ATP8A1: variants seen among roughly 807,000 people sequenced by gnomAD.
ATP8A1 encodes the protein phospholipid-transporting ATPase IA.
Under a neutral mutation model 177.7 loss-of-function variants are expected in ATP8A1, and 90 were observed. The ratio of observed to expected loss-of-function variants is 0.51; its 90% confidence interval spans 0.43 to 0.60. The LOEUF is 0.60. Among genes scored for constraint, ATP8A1 ranks in the 20% least tolerant of loss-of-function variants. The probability of loss-of-function intolerance (pLI) is 0.00; values close to 1 mark genes in which losing one functional copy is unlikely to be tolerated. For missense variants in ATP8A1, 1,072 were observed against 1,392.8 expected (o/e 0.77, Z 3.67); for synonymous variants, 493 against 485.9 (o/e 1.01, Z -0.19).
chr4:42,459,728 A>G (rs74330979), intron 27 of ATP8A1, among the ~76,000 whole-genome samples: 6,294 of 152,262 alleles, frequency 0.041, 436 homozygotes, highest in African/African-American at 0.14. Flanking sequence ...GCAGTAATGA[A>G]CGAGTAAGTT....
intron 31 of ATP8A1, among the ~76,000 whole-genome samples, chr4:42,445,952 C>A (rs1388666051): frequency 6.6e-6 from 1 of 151,734 alleles, no homozygotes; most frequent in Non-Finnish European, 1.5e-5. Flanking sequence ...TGATGGCACA[C>A]GCCTGTAATT....
chr4:42,519,331 T>C (rs576526843), intron 22 of ATP8A1, among the ~76,000 whole-genome samples: 5 of 152,176 alleles, frequency 3.3e-5, no homozygotes, highest in East Asian at 1.9e-4. Flanking sequence ...CTGGGCTCAA[T>C]GATCCTCCCA....
chr4:42,551,271 G>T lies in ATP8A1; in HGVS notation c.1529C>A (p.Ala510Glu). The T allele has an allele frequency of 6.2e-7, 1 of 1,613,130 alleles. No homozygotes were observed. The highest frequency in any genetic ancestry group is 8.5e-7 in the Non-Finnish European group (1 of 1,179,360). The change falls in exon 18 of 37, where the codon GCA becomes GAA. Residue 510 changes from alanine (A) to glutamate (E), a missense_variant. Physicochemically the swap from Ala to Glu is moderately radical, Grantham distance 107. Around this residue, in one of 5 missense-constraint regions of ATP8A1, gnomAD observed 388 missense variants for 471.7 expected, o/e 0.82. Coordinates refer to ENST00000381668, the MANE Select transcript of ATP8A1 (RefSeq NM_006095.2). ...CAATTGCTTGGCTGCTCTGACCAAT[G>T]CTCCCTCATCTGTTTTAGAAAAAGA... ...IYQAASPDEG[A>E]LVRAAKQLNF... is the part of the protein sequence containing the mutation.
In ATP8A1 at chr4:42,522,358, G is replaced by A. The variant is rs1199781032; in HGVS notation, c.1808-59C>T. On this transcript the variant is annotated intron_variant, in intron 21 of 36. Transcript: ENST00000381668. Reference sequence around the variant, plus strand: ...CAAAGATTTTCTTCAGAAGTCTGAGGTTTCTGTTTTTATTTCACAAAGTCC... The same window carrying A: ...CAAAGATTTTCTTCAGAAGTCTGAGATTTCTGTTTTTATTTCACAAAGTCC... 3.2e-6 allele frequency: 5 copies of A among 1,573,152 alleles called. No homozygotes were observed. In the African/African-American group the frequency reaches 4.1e-5, roughly 13 times the overall value.
intron 9 of ATP8A1, among the ~76,000 whole-genome samples, 177 bp downstream of exon 9, chr4:42,586,172 G>T (rs1024821591): frequency 2.0e-5 from 3 of 152,106 alleles, no homozygotes; most frequent in African/African-American, 7.2e-5. Flanking sequence ...CTACATGAAT[G>T]GATAAGATTC....
At chr4:42,470,874 T>C (rs530149185) in intron 25 of ATP8A1, among the ~76,000 whole-genome samples, 1 of 152,304 alleles carries the variant, frequency 6.6e-6, no homozygotes, top group African/African-American at 2.4e-5. Context: ...TGCTTTTCTT[T>C]GCAACAAACT....
chr4:42,568,278 CCT>C (rs1211232416), intron 15 of ATP8A1, among the ~76,000 whole-genome samples: 1 of 152,018 alleles, frequency 6.6e-6, no homozygotes. Flanking sequence ...AAATAAATTC[CCT>C]GTTGAAAAAT....
intron 15 of ATP8A1, among the ~76,000 whole-genome samples, chr4:42,567,683 T>C (rs1458583651): frequency 6.6e-6 from 1 of 152,082 alleles, no homozygotes; most frequent in Non-Finnish European, 1.5e-5. Context: ...TTATTTGGAG[T>C]TACCTAGTTT....
In ATP8A1 at chr4:42,412,693, A is replaced by G. The variant is rs1267003260; in HGVS notation, c.*223T>C. The G allele has an allele frequency of 1.6e-5, 7 of 427,792 alleles. No homozygotes were observed. The Admixed American group carries it at 2.4e-4, about 15-fold the overall frequency. 26.5% of individuals were successfully genotyped at this position (427,792 alleles called of 1,614,324 possible). ...TCATTTTCAATTTCCGTTTACAAAGACTTAGCAAATACCTTAAAAAAATCC... is the reference window on the plus strand; with the variant it reads ...TCATTTTCAATTTCCGTTTACAAAGGCTTAGCAAATACCTTAAAAAAATCC... On this transcript the variant is annotated 3_prime_UTR_variant, in exon 37 of 37. Coordinates refer to ENST00000381668, the MANE Select transcript of ATP8A1 (RefSeq NM_006095.2).
Position 42,537,155 on chromosome 4 carries a change from C to A in ATP8A1, c.1722+6762G>T, listed in dbSNP as rs1251575317. On this transcript the variant is annotated intron_variant, in intron 20 of 36. Transcript: ENST00000381668. The stretch of plus-strand genomic sequence containing the variant: ...CTCAAAAAAAAAAAAAACAAAAAAA[C>A]CAAAAAAACCCCCACGTGATCATCT... Among the ~76,000 whole-genome samples the A allele has an allele frequency of 6.3e-5, 9 of 141,784 alleles. No homozygotes were observed. The South Asian group carries it at 1.2e-3, about 19-fold the overall frequency. The allele number at this position is 141,784 out of a possible 152,430, so 93.0% of individuals were successfully genotyped here.
At chr4:42,418,639 C>T (rs1014824570) in intron 35 of ATP8A1, among the ~76,000 whole-genome samples, 4 of 152,082 alleles carry the variant, frequency 2.6e-5, no homozygotes, top group Admixed American at 1.3e-4. Flanking sequence ...TTATTTTAAA[C>T]CTTCAGGAGT....
At chr4:42,590,699 T>A in intron 7 of ATP8A1, 112 bp downstream of exon 7, 1 of 916,216 alleles carries the variant, frequency 1.1e-6, no homozygotes. Context: ...GTATAAAAAG[T>A]TTGTGTTTTA....
At chr4:42,584,068 T>C (rs1193178239) in intron 9 of ATP8A1, among the ~76,000 whole-genome samples, 1 of 152,246 alleles carries the variant, frequency 6.6e-6, no homozygotes, top group Non-Finnish European at 1.5e-5. Context: ...TGAATGAGGA[T>C]GACAGTTCAG....
intron 21 of ATP8A1, 43 bp from the exon 22 acceptor site, chr4:42,522,342 T>C: frequency 6.3e-7 from 1 of 1,593,112 alleles, no homozygotes; most frequent in Non-Finnish European, 8.5e-7. Flanking sequence ...CCAAAGATTT[T>C]CTTCAGAAGT....
chr4:42,629,745 T>C (rs911726038), intron 1 of ATP8A1, among the ~76,000 whole-genome samples: 2 of 152,242 alleles, frequency 1.3e-5, no homozygotes, highest in African/African-American at 4.8e-5. Context: ...TCAGAGATCC[T>C]CAGGAATATT....
chr4:42,601,167 CTGGGACT>C (rs1168371622), intron 5 of ATP8A1, among the ~76,000 whole-genome samples: 3 of 150,916 alleles, frequency 2.0e-5, no homozygotes, highest in Non-Finnish European at 4.4e-5. Flanking sequence ...TTCCAGGTAG[CTGGGACT>C]ACAGGCATGC....
At chr4:42,438,584 A>G (rs181684972) in intron 33 of ATP8A1, among the ~76,000 whole-genome samples, 20 of 152,184 alleles carry the variant, frequency 1.3e-4, no homozygotes, top group Admixed American at 3.3e-4. Context: ...AACTCTGGGC[A>G]CTTTTTTAAA....
chr4:42,631,435 C>T (rs1738718748), intron 1 of ATP8A1, among the ~76,000 whole-genome samples: 2 of 152,120 alleles, frequency 1.3e-5, no homozygotes. Context: ...CCCAGATTGG[C>T]CTGTGTAGAA....
intron 21 of ATP8A1, among the ~76,000 whole-genome samples, chr4:42,523,060 C>A (rs1485910629): frequency 6.6e-6 from 1 of 152,148 alleles, no homozygotes; most frequent in Non-Finnish European, 1.5e-5. Context: ...GCATTTATTA[C>A]TATTCTTTGT....
Sources: gnomAD v4.1 joint callset for allele counts (sites outside exome capture counted in the v4.1 genomes callset) on GRCh38, gnomAD v4.1.1 for gene constraint, gnomAD v4.1.1 regional missense constraint, MANE v1.5 for transcripts, NCBI Gene and HGNC (gene_info 2026-07-23, HGNC 2026-07-21) for gene names.